Variants in PTPN11 observed in about 807,000 individuals in gnomAD.
PTPN11 encodes the protein protein tyrosine phosphatase non-receptor type 11.
A neutral mutation model predicts 78.8 loss-of-function variants in PTPN11; 6 were observed. The ratio of observed to expected loss-of-function variants is 0.08; its 90% CI spans 0.04 to 0.15. PTPN11 has a LOEUF of 0.15. Ranked by LOEUF, PTPN11 falls within the 10% of genes least tolerant of loss-of-function variation. The pLI is 1.00. For missense variants in PTPN11, 386 were observed against 744.8 expected, an observed-to-expected ratio of 0.52 and a Z score of 5.61; for synonymous variants, 221 against 263.5, an observed-to-expected ratio of 0.84 and a Z score of 1.56.
chr12:112,448,747 A>G (rs900832352), intron 2 of PTPN11, among the ~76,000 whole-genome samples: 3 of 152,148 alleles, frequency 2.0e-5, no homozygotes, highest in Non-Finnish European at 4.4e-5. Context: ...GTTGTGTCTA[A>G]TATTTTAAAA....
chr12:112,418,980 T>A lies in PTPN11; in HGVS notation c.-132T>A. On this transcript the variant is annotated 5_prime_UTR_variant, in exon 1 of 16. Coordinates refer to ENST00000351677, the MANE Select transcript of PTPN11 (RefSeq NM_002834.5). ...GGATCCCCAGGCCTGGAGGGGGGTC[T>A]GTGCGCGGCCGGCTGGCTCTGCCCC... 1.8e-6 allele frequency: 2 copies of A among 1,138,726 alleles called. No individual in the cohort carries two copies. The highest frequency in any genetic ancestry group is 2.8e-5 in the East Asian group (1 of 36,138). The allele number at this position is 1,138,726 out of a possible 1,614,324, so 70.5% of individuals were successfully genotyped here.
chr12:112,424,003 C>T (rs1040138079), intron 1 of PTPN11, among the ~76,000 whole-genome samples: 3 of 152,018 alleles, frequency 2.0e-5, no homozygotes, highest in African/African-American at 4.8e-5. Flanking sequence ...CTGCCTGCCT[C>T]GGCCTTCCAA....
intron 10 of PTPN11, among the ~76,000 whole-genome samples, chr12:112,483,363 A>AT (rs1435669706): frequency 6.6e-6 from 1 of 151,998 alleles, no homozygotes; most frequent in African/African-American, 2.4e-5. Context: ...CAATTGTTAA[A>AT]TTTTTTATAG....
intron 1 of PTPN11, among the ~76,000 whole-genome samples, chr12:112,434,602 G>A (rs1192877096): frequency 2.0e-5 from 3 of 147,578 alleles, no homozygotes; most frequent in South Asian, 2.1e-4. Flanking sequence ...GCAAGACTCC[G>A]TCTCAAAAAA....
intron 2 of PTPN11, among the ~76,000 whole-genome samples, chr12:112,449,478 G>T (rs906099939): frequency 1.3e-5 from 2 of 151,900 alleles, no homozygotes; most frequent in Non-Finnish European, 2.9e-5. Context: ...CTGCACTCCA[G>T]CCTGGGTGAT....
intron 3 of PTPN11, among the ~76,000 whole-genome samples, chr12:112,452,441 G>A (rs188970534): frequency 3.3e-5 from 5 of 152,210 alleles, no homozygotes; most frequent in Non-Finnish European, 7.4e-5. Context: ...GGTCAGGCTG[G>A]TCTCGAATTC....
At chr12:112,481,741 C>G (rs748792559) in intron 9 of PTPN11, among the ~76,000 whole-genome samples, 140 of 152,200 alleles carry the variant, frequency 9.2e-4, no homozygotes, top group Non-Finnish European at 1.8e-3. Context: ...ATCTGCCCGC[C>G]TCGGCCACCC....
intron 6 of PTPN11, among the ~76,000 whole-genome samples, chr12:112,471,149 A>T (rs2038408386): frequency 6.6e-6 from 1 of 152,198 alleles, no homozygotes; most frequent in Non-Finnish European, 1.5e-5. Context: ...TAAAGTCCAG[A>T]CCTTTACACT....
chr12:112,442,811 CCTCTCT>C (rs1213962210), intron 1 of PTPN11, among the ~76,000 whole-genome samples: 2 of 112,580 alleles, frequency 1.8e-5, no homozygotes, highest in African/African-American at 3.3e-5. Flanking sequence ...TACTCTCTCT[CCTCTCT>C]CTCTCTCTCT....
At chr12:112,423,257 A>C (rs1048837456) in intron 1 of PTPN11, among the ~76,000 whole-genome samples, 2 of 152,196 alleles carry the variant, frequency 1.3e-5, no homozygotes, top group African/African-American at 4.8e-5. Context: ...CATCAAATGA[A>C]TTTGATAAAG....
rs780387568 is a variant in PTPN11 at position 112,455,944 on chromosome 12, G to A, written c.643-6G>A. ...TTATTTTACATCAACTGCTGTACTC[G>A]ATCAGCCCCTTAACACGACTCGTAT... is the stretch of plus-strand genomic sequence containing the variant. On this transcript the variant is annotated splice_region_variant and splice_polypyrimidine_tract_variant and intron_variant, in intron 5 of 15. Transcript: ENST00000351677. The A allele has an allele frequency of 1.3e-6, 2 of 1,538,192 alleles. No individual in the cohort carries two copies. Among genetic ancestry groups the A allele is most frequent in the Non-Finnish European group, 1.8e-6 (2 of 1,116,130 alleles).
At chr12:112,431,991 G>A (rs924407583) in intron 1 of PTPN11, among the ~76,000 whole-genome samples, 18 of 152,010 alleles carry the variant, frequency 1.2e-4, no homozygotes, top group African/African-American at 4.3e-4. Context: ...TAATTTTCTG[G>A]TTATATCAAG....
intron 1 of PTPN11, among the ~76,000 whole-genome samples, chr12:112,441,273 T>A (rs1172714013): frequency 1.3e-5 from 2 of 149,614 alleles, no homozygotes; most frequent in African/African-American, 2.5e-5. Context: ...CTTTTTTTTT[T>A]AAATCTGAGA....
chr12:112,463,777 A>G (rs1437727074), intron 6 of PTPN11, among the ~76,000 whole-genome samples: 3 of 152,206 alleles, frequency 2.0e-5, no homozygotes, highest in Non-Finnish European at 4.4e-5. Flanking sequence ...GTTGTGCACT[A>G]AATTAGGGCA....
chr12:112,465,819 A>G (rs1372709211), intron 6 of PTPN11, among the ~76,000 whole-genome samples: 3 of 152,242 alleles, frequency 2.0e-5, no homozygotes, highest in East Asian at 1.9e-4. Flanking sequence ...AACAATGTCA[A>G]GGACATGAAC....
In PTPN11 at chr12:112,488,520, C is replaced by G. The variant is rs1435448604; in HGVS notation, c.1447+10C>G. 6.3e-7 allele frequency: 1 copy of G among 1,597,638 alleles called. No individual in the cohort carries two copies. The highest frequency in any genetic ancestry group is 8.6e-7 in the Non-Finnish European group (1 of 1,164,970). On this transcript the variant is annotated intron_variant, in intron 12 of 15. Transcript: ENST00000351677. Reference sequence around the variant, plus strand: ...ATCATCAGAGAGAAAGGTGGGTCATCTGGTGGGCAAGAAGCGACAGTTTCT... The same window carrying G: ...ATCATCAGAGAGAAAGGTGGGTCATGTGGTGGGCAAGAAGCGACAGTTTCT...
chr12:112,471,399 A>T (rs1331468219), intron 6 of PTPN11, among the ~76,000 whole-genome samples: 5 of 145,950 alleles, frequency 3.4e-5, no homozygotes, highest in South Asian at 4.3e-4. Context: ...TTGAGACAGG[A>T]TCTTGTTTTG....
intron 1 of PTPN11, among the ~76,000 whole-genome samples, chr12:112,428,396 CTTTTTTTT>C (rs11312766): frequency 2.4e-5 from 2 of 84,466 alleles, no homozygotes; most frequent in Non-Finnish European, 4.8e-5. Context: ...TGTGTGTTGT[CTTTTTTTT>C]TTTTTTTTTT....
chr12:112,474,124 G>A (rs1429047042), intron 7 of PTPN11, among the ~76,000 whole-genome samples: 1 of 152,088 alleles, frequency 6.6e-6, no homozygotes, highest in East Asian at 1.9e-4. Context: ...CGAGGTGGGC[G>A]GATCACCTGA....
Sources: gnomAD v4.1 joint callset for allele counts (sites outside exome capture counted in the v4.1 genomes callset) on GRCh38, gnomAD v4.1.1 for gene constraint, MANE v1.5 for transcripts, NCBI Gene and HGNC (gene_info 2026-07-23, HGNC 2026-07-21) for gene names.